Variants in PHF20L1 observed in about 807,000 individuals in gnomAD.
PHF20L1 encodes the protein PHD finger protein 20-like protein 1.
PHF20L1 carries 44 observed loss-of-function variants against 125.5 expected under a neutral mutation model. The observed-to-expected ratio is 0.35, with a 90% confidence interval of 0.28 to 0.45. The LOEUF is 0.45. Among genes scored for constraint, PHF20L1 ranks in the 20% least tolerant of loss-of-function variants. PHF20L1 has a pLI of 1.00. For missense variants in PHF20L1, 1,012 were observed against 1,217.2 expected, an observed-to-expected ratio of 0.83 and a Z score of 2.51; for synonymous variants, 380 against 403.1, an observed-to-expected ratio of 0.94 and a Z score of 0.69.
At chr8:132,797,704 A>G (rs1369939487) in intron 4 of PHF20L1, among the ~76,000 whole-genome samples, 2 of 152,032 alleles carry the variant, frequency 1.3e-5, no homozygotes, top group Middle Eastern at 3.2e-3. Context: ...GTGAAATTCA[A>G]CGTTAGGCTA....
chr8:132,794,416 A>G lies in PHF20L1; in HGVS notation c.90A>G (p.Pro30=), dbSNP rs748427030. 1.3e-5 allele frequency: 21 copies of G among 1,600,788 alleles called. No individual in the cohort carries two copies. Among genetic ancestry groups the G allele is most frequent in the Non-Finnish European group, 1.8e-5 (21 of 1,169,154 alleles). Residue 30 remains proline (P), a synonymous_variant, in exon 3 of 21, where the codon CCA becomes CCG. Coordinates refer to ENST00000395386, the MANE Select transcript of PHF20L1 (RefSeq NM_016018.5). The part of the protein sequence containing the change: ...EALDYLQKWY[P]SRIEKIDYEE... ...AAGCATTTTGATTTTTGAGGTATCC[A>G]TCACGAATTGAAAAAATTGACTATG...
At chr8:132,832,167 G>A (rs1023021393) in intron 14 of PHF20L1, 68 bp from the exon 15 acceptor site, 26 of 1,021,606 alleles carry the variant, frequency 2.5e-5, no homozygotes, top group Non-Finnish European at 3.8e-5. Flanking sequence ...CATGACTTTC[G>A]TTATTTTTAT....
intron 17 of PHF20L1, 116 bp downstream of exon 17, chr8:132,837,927 A>G (rs972594478): frequency 1.3e-5 from 9 of 703,324 alleles, no homozygotes; most frequent in Non-Finnish European, 2.3e-5. Flanking sequence ...GATGTCATTG[A>G]TAGGTTCTTG....
intron 14 of PHF20L1, among the ~76,000 whole-genome samples, chr8:132,829,481 C>A (rs987275580): frequency 2.0e-5 from 3 of 152,034 alleles, no homozygotes; most frequent in African/African-American, 4.8e-5. Context: ...TAATAAATGT[C>A]CTTTCCATGT....
chr8:132,825,877 G>A (rs1836120433), intron 14 of PHF20L1, among the ~76,000 whole-genome samples: 1 of 152,012 alleles, frequency 6.6e-6, no homozygotes, highest in Admixed American at 6.6e-5. Flanking sequence ...TTTGGCCCTG[G>A]GGGCTTCCAG....
chr8:132,844,211 A>G lies in PHF20L1; in HGVS notation c.2804A>G (p.Asp935Gly). 6.2e-7 allele frequency: 1 copy of G among 1,613,002 alleles called. No homozygotes were observed. Among genetic ancestry groups the G allele is most frequent in the East Asian group, 2.2e-5 (1 of 44,864 alleles). The part of the protein sequence containing the change: ...FVYNDKKGTE[D>G]PGDSHLQWQL... ...TATAATGATAAAAAGGGCACCGAAG[A>G]CCCAGGAGACTCACATCTTCAGTGG... Residue 935 changes from aspartate to glycine, a missense_variant, in exon 20 of 21, where the codon GAC becomes GGC. Transcript: ENST00000395386.
At chr8:132,805,127 T>A (rs1833534950) in intron 8 of PHF20L1, among the ~76,000 whole-genome samples, 1 of 151,962 alleles carries the variant, frequency 6.6e-6, no homozygotes, top group African/African-American at 2.4e-5. Flanking sequence ...CCAGTCTTAC[T>A]TAAGGATGGT....
chr8:132,815,853 A>G (rs1273742168), intron 10 of PHF20L1: 1 of 151,884 alleles, frequency 6.6e-6, no homozygotes, highest in East Asian at 1.9e-4. Flanking sequence ...GCTTCATTTC[A>G]TTATGGCATT....
At chr8:132,821,012 C>T (rs972348755) in intron 12 of PHF20L1, among the ~76,000 whole-genome samples, 1 of 151,634 alleles carries the variant, frequency 6.6e-6, no homozygotes. Flanking sequence ...TGTTTTATTG[C>T]AGCATGTCTT....
intron 19 of PHF20L1, 35 bp from the exon 20 acceptor site, chr8:132,844,121 C>A (rs993308432): frequency 6.2e-7 from 1 of 1,609,048 alleles, no homozygotes; most frequent in African/African-American, 1.3e-5. Context: ...TCATCCCGTT[C>A]TTTGTGTTTA....
At chr8:132,801,214 A>C (rs1283443977) in intron 6 of PHF20L1, among the ~76,000 whole-genome samples, 1 of 151,670 alleles carries the variant, frequency 6.6e-6, no homozygotes. Context: ...TGCTGATACA[A>C]AATATACGTT....
At chr8:132,833,712 G>C (rs1587056887) in intron 15 of PHF20L1, among the ~76,000 whole-genome samples, 1 of 152,104 alleles carries the variant, frequency 6.6e-6, no homozygotes, top group Admixed American at 6.6e-5. Context: ...ATCTAGGCTA[G>C]TTGTGGTGCT....
intron 12 of PHF20L1, 115 bp from the exon 13 acceptor site, chr8:132,823,889 C>G (rs1263614645): frequency 3.4e-6 from 2 of 586,856 alleles, no homozygotes; most frequent in African/African-American, 3.9e-5. Flanking sequence ...ACATGTAGAC[C>G]GTTAGGAGAA....
Position 132,775,406 on chromosome 8 carries a change from A to AGGCGGC in PHF20L1, c.-263_-258dup, listed in dbSNP as rs3832583. On this transcript the variant is annotated 5_prime_UTR_variant, in exon 1 of 21. Coordinates refer to ENST00000395386, the MANE Select transcript of PHF20L1 (RefSeq NM_016018.5). ...TCGCGTCAGGGCTGGCCGGCGGCGG[A>AGGCGGC]GGCGGCGGCGGCGGCGGCGATGGCA... 1,042 of 382,638 alleles carry AGGCGGC rather than the reference A, an allele frequency of 2.7e-3. 8 individuals are homozygous for AGGCGGC. Among genetic ancestry groups the AGGCGGC allele is most frequent in the African/African-American group, 0.019 (908 of 47,528 alleles). The allele number at this position is 382,638 out of a possible 1,614,324, so 23.7% of individuals were successfully genotyped here. A position where few individuals can be genotyped will look rare whatever the true frequency, so the allele number is the denominator to read the frequency against.
Position 132,776,226 on chromosome 8 carries a change from G to GT in PHF20L1, c.-38+589dup, listed in dbSNP as rs983975320. 4.5e-4 allele frequency among the ~76,000 whole-genome samples: 69 copies of GT among 151,790 alleles called. 1 individual carries two copies. The highest frequency in any genetic ancestry group is 2.1e-3 in the South Asian group (10 of 4,820). ...CGAACCTAAGACAAAGGAAAATCTT[G>GT]TTTTTTTTCTGGTACTTCATCCCTA... On this transcript the variant is annotated intron_variant, in intron 1 of 20. Coordinates refer to ENST00000395386, the MANE Select transcript of PHF20L1 (RefSeq NM_016018.5).
chr8:132,786,937 A>G (rs2131371879), intron 2 of PHF20L1, among the ~76,000 whole-genome samples: 1 of 152,264 alleles, frequency 6.6e-6, no homozygotes, highest in East Asian at 1.9e-4. Flanking sequence ...CATATAAACA[A>G]ATTAACTATC....
intron 14 of PHF20L1, among the ~76,000 whole-genome samples, chr8:132,827,928 T>G (rs1257938911): frequency 6.6e-6 from 1 of 152,064 alleles, no homozygotes; most frequent in African/African-American, 2.4e-5. Flanking sequence ...TGATAATCAC[T>G]GTCATCTTTG....
At chr8:132,782,038 C>T (rs1444154772) in intron 2 of PHF20L1, among the ~76,000 whole-genome samples, 1 of 152,226 alleles carries the variant, frequency 6.6e-6, no homozygotes, top group African/African-American at 2.4e-5. Context: ...TTACAGCTAG[C>T]ACAGTCAACT....
intron 12 of PHF20L1, among the ~76,000 whole-genome samples, chr8:132,820,856 A>T (rs1243237456): frequency 6.6e-6 from 1 of 152,044 alleles, no homozygotes; most frequent in Non-Finnish European, 1.5e-5. Flanking sequence ...GTGAAGACAA[A>T]ATTGGCATTA....
Sources: gnomAD v4.1 joint callset for allele counts (sites outside exome capture counted in the v4.1 genomes callset) on GRCh38, gnomAD v4.1.1 for gene constraint, MANE v1.5 for transcripts, NCBI Gene and HGNC (gene_info 2026-07-23, HGNC 2026-07-21) for gene names.